The following C8orf34 variants were observed in gnomAD, a reference collection of about 807,000 sequenced individuals.
The protein encoded by C8orf34 is uncharacterized protein C8orf34.
A neutral mutation model predicts 68.3 loss-of-function variants in C8orf34; 65 were observed. The ratio of observed to expected loss-of-function variants is 0.95; its 90% CI spans 0.78 to 1.17. The LOEUF is 1.17. Ranked by LOEUF, C8orf34 falls within the 50% of genes most tolerant of loss-of-function variation. The probability of loss-of-function intolerance (pLI) is 0.00; values close to 1 mark genes in which losing one functional copy is unlikely to be tolerated. For missense variants in C8orf34, 664 were observed against 655.4 expected, an observed-to-expected ratio of 1.01 and a Z score of -0.14; for synonymous variants, 244 against 241.2, an observed-to-expected ratio of 1.01 and a Z score of -0.11.
At chr8:68,337,673 G>T (rs999934168) in intron 1 of C8orf34, among the ~76,000 whole-genome samples, 53 of 151,984 alleles carry the variant, frequency 3.5e-4, no homozygotes, top group African/African-American at 1.2e-3. Flanking sequence ...GAGCACCTAG[G>T]GAATCAGTAT....
chr8:68,395,357 TCTCTCACACACACACA>T (rs1293350609), intron 1 of C8orf34, among the ~76,000 whole-genome samples: 14,389 of 137,584 alleles, frequency 0.1, 752 homozygotes, highest in Middle Eastern at 0.14. Flanking sequence ...TCTCTGTGTG[TCTCTCACACACACACA>T]CACACACACA....
At chr8:68,727,262 A>T (rs970779128) in intron 10 of C8orf34, among the ~76,000 whole-genome samples, 1 of 152,152 alleles carries the variant, frequency 6.6e-6, no homozygotes, top group Non-Finnish European at 1.5e-5. Context: ...TAAAGTTCCA[A>T]AATGATCTCC....
At chr8:68,491,670 ATCATGCAAAGTCCTTTTGCATAT>A (rs1191715447) in intron 5 of C8orf34, among the ~76,000 whole-genome samples, 1 of 152,244 alleles carries the variant, frequency 6.6e-6, no homozygotes, top group African/African-American at 2.4e-5. Flanking sequence ...TTTAATCTTA[ATCATGCAAAGTCCTTTTGCATAT>A]TCATGCAAAT....
intron 7 of C8orf34, among the ~76,000 whole-genome samples, chr8:68,620,248 G>A (rs1818348562): frequency 6.6e-6 from 1 of 152,208 alleles, no homozygotes. Context: ...ACTGGAAATT[G>A]AGAATAATGG....
At chr8:68,775,363 C>G (rs1415329463) in intron 10 of C8orf34, among the ~76,000 whole-genome samples, 3 of 152,066 alleles carry the variant, frequency 2.0e-5, no homozygotes, top group Non-Finnish European at 2.9e-5. Flanking sequence ...AATTTATTTC[C>G]AAATGTCTCT....
At chr8:68,799,904 A>G (rs1010724319) in intron 12 of C8orf34, among the ~76,000 whole-genome samples, 3 of 152,208 alleles carry the variant, frequency 2.0e-5, no homozygotes, top group Non-Finnish European at 4.4e-5. Flanking sequence ...TTTGAAGGGC[A>G]GGGATGGACA....
chr8:68,482,346 A>G (rs912929199), intron 4 of C8orf34, among the ~76,000 whole-genome samples: 3 of 152,180 alleles, frequency 2.0e-5, no homozygotes. Context: ...ACAAACTAAT[A>G]CACCAGTTGA....
chr8:68,654,582 C>T (rs2890437), intron 8 of C8orf34, among the ~76,000 whole-genome samples: 53,897 of 151,760 alleles, frequency 0.36, 10,600 homozygotes, highest in East Asian at 0.58. Flanking sequence ...CTTTTTTTGA[C>T]CTACAAATAC....
chr8:68,452,732 C>T (rs756533420), intron 3 of C8orf34, among the ~76,000 whole-genome samples: 6 of 149,564 alleles, frequency 4.0e-5, no homozygotes, highest in South Asian at 2.1e-4. Flanking sequence ...ACTTCATTAA[C>T]AGTGTCATTT....
intron 7 of C8orf34, among the ~76,000 whole-genome samples, chr8:68,544,278 C>T (rs548046544): frequency 4.6e-5 from 7 of 152,252 alleles, no homozygotes; most frequent in Non-Finnish European, 8.8e-5. Context: ...TGGGACACAT[C>T]GTAGAGCTTT....
intron 5 of C8orf34, among the ~76,000 whole-genome samples, chr8:68,488,559 G>T (rs1363901087): frequency 2.0e-5 from 3 of 152,136 alleles, no homozygotes; most frequent in Non-Finnish European, 4.4e-5. Flanking sequence ...CTATAGTTGT[G>T]TCACTGGAAC....
intron 1 of C8orf34, among the ~76,000 whole-genome samples, chr8:68,341,844 T>C (rs1806083651): frequency 6.6e-6 from 1 of 152,232 alleles, no homozygotes; most frequent in Non-Finnish European, 1.5e-5. Flanking sequence ...CTCTTTTCTT[T>C]ATAAATTATC....
At chr8:68,638,303 A>G (rs1466594713) in intron 7 of C8orf34, among the ~76,000 whole-genome samples, 1 of 147,840 alleles carries the variant, frequency 6.8e-6, no homozygotes, top group Non-Finnish European at 1.5e-5. Context: ...GAGTAAAGCT[A>G]GAACTTTTTT....
chr8:68,448,192 G>C (rs754108299), intron 3 of C8orf34, among the ~76,000 whole-genome samples: 54 of 152,130 alleles, frequency 3.5e-4, no homozygotes, highest in Non-Finnish European at 7.1e-4. Flanking sequence ...TGCAGGTCCT[G>C]TGTTCTTTGT....
intron 8 of C8orf34, among the ~76,000 whole-genome samples, chr8:68,647,758 T>C (rs1031546352): frequency 6.6e-6 from 1 of 152,232 alleles, no homozygotes; most frequent in Non-Finnish European, 1.5e-5. Flanking sequence ...AGAAGCTTTT[T>C]TTTCATAAAT....
chr8:68,536,413 C>T (rs1586339625), intron 7 of C8orf34, among the ~76,000 whole-genome samples: 1 of 149,048 alleles, frequency 6.7e-6, no homozygotes, highest in Admixed American at 6.7e-5. Flanking sequence ...ATAAAAATCC[C>T]TGTATATTTT....
At chr8:68,746,099 T>C (rs1022992413) in intron 10 of C8orf34, among the ~76,000 whole-genome samples, 1 of 152,108 alleles carries the variant, frequency 6.6e-6, no homozygotes, top group Admixed American at 6.6e-5. Context: ...AACCACTCAA[T>C]TACATGGAAG....
intron 1 of C8orf34, among the ~76,000 whole-genome samples, chr8:68,332,754 T>C (rs78528513): frequency 0.023 from 3,436 of 152,286 alleles, 60 homozygotes; most frequent in African/African-American, 0.043. Context: ...ATTGTTTCAA[T>C]TGAAGCTCGC....
At chr8:68,379,670 A>G (rs983982039) in intron 1 of C8orf34, among the ~76,000 whole-genome samples, 1 of 152,112 alleles carries the variant, frequency 6.6e-6, no homozygotes, top group Non-Finnish European at 1.5e-5. Context: ...CAAGTCACTG[A>G]TTCCTATTCA....
Sources: gnomAD v4.1 joint callset for allele counts (sites outside exome capture counted in the v4.1 genomes callset) on GRCh38, gnomAD v4.1.1 for gene constraint, MANE v1.5 for transcripts, NCBI Gene and HGNC (gene_info 2026-07-23, HGNC 2026-07-21) for gene names.